AMN1: variants seen among roughly 807,000 people sequenced by gnomAD.
AMN1 encodes protein AMN1 homolog.
A neutral mutation model predicts 33.0 loss-of-function variants in AMN1; 20 were observed. The ratio of observed to expected loss-of-function variants is 0.61; its 90% CI spans 0.43 to 0.88. AMN1 has a LOEUF of 0.88. Ranked by LOEUF, AMN1 falls within the 40% of genes least tolerant of loss-of-function variation. The probability of loss-of-function intolerance (pLI) is 0.00; values close to 1 mark genes in which losing one functional copy is unlikely to be tolerated. For synonymous variants in AMN1, 114 were observed against 111.9 expected (o/e 1.02, Z -0.12); for missense variants, 246 against 307.4 (o/e 0.80, Z 1.49).
At chr12:31,674,790 C>A (rs915042145) in intron 6 of AMN1, among the ~76,000 whole-genome samples, 2 of 150,998 alleles carry the variant, frequency 1.3e-5, no homozygotes, top group Non-Finnish European at 2.9e-5. Flanking sequence ...AGGCTGAGGG[C>A]GGATCACCTG....
chr12:31,679,960 A>C (rs1364257138), intron 6 of AMN1, among the ~76,000 whole-genome samples: 1 of 151,668 alleles, frequency 6.6e-6, no homozygotes, highest in Non-Finnish European at 1.5e-5. Context: ...CCCTGTCTCT[A>C]CTAAAAATAC....
chr12:31,709,442 A>G lies in AMN1; in HGVS notation c.39-17T>C, dbSNP rs1219887439. 5.6e-6 allele frequency: 9 copies of G among 1,601,296 alleles called. No individual in the cohort carries two copies. Among genetic ancestry groups the G allele is most frequent in the Non-Finnish European group, 7.7e-6 (9 of 1,172,742 alleles). On this transcript the variant is annotated splice_polypyrimidine_tract_variant and intron_variant, in intron 1 of 6. Coordinates refer to ENST00000281471, the MANE Select transcript of AMN1 (RefSeq NM_001113402.2). ...CAAAGGCATCTGAAATACAAATACA[A>G]TATAGTAAATCACACTGGGCCTGTA...
At chr12:31,722,130 G>GACACACACACACACAC (rs57266162) in intron 1 of AMN1, among the ~76,000 whole-genome samples, 37 of 144,066 alleles carry the variant, frequency 2.6e-4, no homozygotes, top group African/African-American at 8.9e-4. Context: ...TCAGGCCTTT[G>GACACACACACACACAC]ACACACACAC....
At position 31,726,218 on chromosome 12, in the gene AMN1, A is replaced by G. The variant is rs28414007; in HGVS notation, c.38+2753T>C. Among the ~76,000 whole-genome samples the G allele has an allele frequency of 9.6e-3, 1,444 of 150,486 alleles. 24 individuals are homozygous for G. Among genetic ancestry groups the G allele is most frequent in the African/African-American group, 0.033 (1,355 of 40,836 alleles). On this transcript the variant is annotated intron_variant, in intron 1 of 6. Transcript: ENST00000281471. ...CTCTTGTTGCCCAAACTGGAGTGCA[A>G]TGGTGCAAGCTCGGCTCACCGCAAC... is the stretch of plus-strand genomic sequence containing the variant.
At chr12:31,728,172 T>G (rs531552486) in intron 1 of AMN1, among the ~76,000 whole-genome samples, 1 of 152,336 alleles carries the variant, frequency 6.6e-6, no homozygotes, top group South Asian at 2.1e-4. Flanking sequence ...CTTCAGTAGA[T>G]TAAGGAGATT....
chr12:31,710,551 T>TAC (rs112841301), intron 1 of AMN1, among the ~76,000 whole-genome samples: 54,640 of 147,222 alleles, frequency 0.37, 10,361 homozygotes, highest in Middle Eastern at 0.47. Context: ...TCTGTTCTTG[T>TAC]ACACACACAC....
Position 31,697,794 on chromosome 12 carries a change from A to T in AMN1, c.480T>A (p.His160Gln). ...AAAATGGGCAGTTTTTTCCTAATGC[A>T]TGTAAGGACACATCAGTAATACTTA... ...GCLSITDVSL[H>Q]ALGKNCPFLQ... The change falls in exon 4 of 7, where the codon CAT (histidine) becomes CAA (glutamine). Residue 160 changes from histidine (H) to glutamine (Q), a missense_variant. His to Gln is a conservative substitution (Grantham distance 24, BLOSUM62 0). Coordinates refer to ENST00000281471, the MANE Select transcript of AMN1 (RefSeq NM_001113402.2). 6.2e-7 allele frequency: 1 copy of T among 1,614,004 alleles called. No individual in the cohort carries two copies. Among genetic ancestry groups the T allele is most frequent in the Non-Finnish European group, 8.5e-7 (1 of 1,179,870 alleles).
intron 2 of AMN1, among the ~76,000 whole-genome samples, chr12:31,703,302 T>C (rs1939088100): frequency 6.6e-6 from 1 of 152,200 alleles, no homozygotes; most frequent in Admixed American, 6.5e-5. Flanking sequence ...ATATTAGCTT[T>C]TTAAAACTGT....
chr12:31,713,565 GCATGGTGGCTTATGTCTATAATCC>G (rs1485579986), intron 1 of AMN1, among the ~76,000 whole-genome samples: 2 of 152,198 alleles, frequency 1.3e-5, no homozygotes, highest in African/African-American at 4.8e-5. Flanking sequence ...TTAAGGCTGA[GCATGGTGGCTTATGTCTATAATCC>G]CAGCACTTTG....
In AMN1 at chr12:31,675,363, G is replaced by A. The variant is rs139859040; in HGVS notation, c.704-2986C>T. On this transcript the variant is annotated intron_variant, in intron 6 of 6. Transcript: ENST00000281471. ...TTGAGCCTGGGAGGCAGAGGTTGCA[G>A]TGAGTGTGTTCACACCACTGCACTC... is the stretch of plus-strand genomic sequence containing the variant. 1.6e-3 allele frequency among the ~76,000 whole-genome samples: 249 copies of A among 151,704 alleles called. 4 individuals are homozygous for A. Among genetic ancestry groups the A allele is most frequent in the African/African-American group, 5.5e-3 (227 of 41,116 alleles).
intron 3 of AMN1, among the ~76,000 whole-genome samples, chr12:31,700,484 G>A (rs902492015): frequency 6.6e-6 from 1 of 152,134 alleles, no homozygotes; most frequent in African/African-American, 2.4e-5. Context: ...AATGCAGTTT[G>A]TCTAGCTATA....
At chr12:31,715,703 G>T in intron 1 of AMN1, 1 of 159,726 alleles carries the variant, frequency 6.3e-6, no homozygotes, top group South Asian at 1.8e-4. Flanking sequence ...TTCTTTTGAT[G>T]GTATCTGAGA....
chr12:31,710,310 ATACTT>A (rs749761131), intron 1 of AMN1, among the ~76,000 whole-genome samples: 3 of 152,334 alleles, frequency 2.0e-5, no homozygotes, highest in African/African-American at 7.2e-5. Context: ...TGAAAAACTC[ATACTT>A]TAAAGAAACA....
intron 6 of AMN1, among the ~76,000 whole-genome samples, chr12:31,675,643 C>A (rs973728416): frequency 1.3e-5 from 2 of 151,344 alleles, no homozygotes; most frequent in Non-Finnish European, 2.9e-5. Flanking sequence ...TACAGGCGCC[C>A]GCAACCACGC....
chr12:31,672,611 G>T, intron 6 of AMN1: 1 of 361,382 alleles, frequency 2.8e-6, no homozygotes, highest in Non-Finnish European at 5.0e-6. Flanking sequence ...AAAAAAACAG[G>T]CATTTGTTGT....
intron 6 of AMN1, among the ~76,000 whole-genome samples, chr12:31,677,213 T>C (rs61303909): frequency 1.3e-5 from 2 of 152,184 alleles, no homozygotes; most frequent in African/African-American, 4.8e-5. Context: ...GGCAGGAGAA[T>C]GGCGTGAACC....
rs1423535945 is a variant in AMN1 at position 31,689,040 on chromosome 12, T to C, written c.670A>G (p.Ile224Val). Residue 224 changes from isoleucine to valine, a missense_variant, in exon 6 of 7, where the codon ATA (isoleucine) becomes GTA (valine). Physicochemically the swap from Ile to Val is conservative, Grantham distance 29. Transcript: ENST00000281471. ...AVLTYCPQIRILLFHGCPLIT... is the reference protein window; with the variant it reads ...AVLTYCPQIRVLLFHGCPLIT... ...AAGGGGCATCCATGGAAGAGTAATATACGTATTTGAGGACAGTAAGTAAGG... is the reference window on the plus strand; with the variant it reads ...AAGGGGCATCCATGGAAGAGTAATACACGTATTTGAGGACAGTAAGTAAGG... 6.2e-7 allele frequency: 1 copy of C among 1,613,380 alleles called. No homozygotes were observed. The highest frequency in any genetic ancestry group is 8.5e-7 in the Non-Finnish European group (1 of 1,179,576).
intron 5 of AMN1, among the ~76,000 whole-genome samples, chr12:31,693,840 C>A (rs1938607183): frequency 6.6e-6 from 1 of 151,862 alleles, no homozygotes. Context: ...CCGCACCCAG[C>A]CTGTATTTTT....
rs1222337480 is a variant in AMN1 at position 31,672,216 on chromosome 12, A to G, written c.*88T>C. The stretch of plus-strand genomic sequence containing the variant: ...TAAAATAATTAAAAATAGTGTTAAC[A>G]TTAAGTAGAATGCAAATCTCTATAG... On this transcript the variant is annotated 3_prime_UTR_variant, in exon 7 of 7. Coordinates refer to ENST00000281471, the MANE Select transcript of AMN1 (RefSeq NM_001113402.2). The G allele has an allele frequency of 3.2e-5, 27 of 853,560 alleles. No individual in the cohort carries two copies. Among genetic ancestry groups the G allele is most frequent in the Non-Finnish European group, 1.9e-6 (1 of 524,682 alleles). 52.9% of individuals were successfully genotyped at this position (853,560 alleles called of 1,614,324 possible).
Sources: allele counts gnomAD v4.1 joint callset (sites outside exome capture counted in the v4.1 genomes callset), GRCh38; gene constraint gnomAD v4.1.1; transcripts MANE v1.5; gene names NCBI Gene and HGNC (gene_info 2026-07-23, HGNC 2026-07-21).